The following ROBO2 variants were observed in gnomAD, a reference collection of about 807,000 sequenced individuals.
ROBO2 encodes roundabout guidance receptor 2.
A neutral mutation model predicts 160.8 loss-of-function variants in ROBO2; 53 were observed. That is an observed-to-expected ratio of 0.33 (90% confidence interval 0.26 to 0.41). The LOEUF (loss-of-function observed/expected upper bound fraction) is 0.41, where lower values mean the gene tolerates loss of function less well. ROBO2 is among the 10% of genes least tolerant of loss of function. The pLI, the probability that ROBO2 is intolerant of heterozygous loss-of-function variation, is 1.00. For missense variants in ROBO2, 1,577 were observed against 1,722.4 expected, an observed-to-expected ratio of 0.92 and a Z score of 1.49; for synonymous variants, 664 against 611.7, an observed-to-expected ratio of 1.09 and a Z score of -1.26.
At chr3:77,420,361 C>T (rs1028086752) in intron 2 of ROBO2, among the ~76,000 whole-genome samples, 9 of 151,060 alleles carry the variant, frequency 6.0e-5, no homozygotes, top group African/African-American at 2.2e-4. Flanking sequence ...TATATATGGT[C>T]GTGTATCATA....
At chr3:76,230,703 C>CCTTCCT (rs11282176) in intron 2 of ROBO2, among the ~76,000 whole-genome samples, 2 of 151,782 alleles carry the variant, frequency 1.3e-5, no homozygotes, top group Non-Finnish European at 2.9e-5. Flanking sequence ...CCAACCCTCT[C>CCTTCCT]CTTCTCACAC....
At chr3:76,298,625 C>T (rs1411639365) in intron 2 of ROBO2, among the ~76,000 whole-genome samples, 2 of 152,134 alleles carry the variant, frequency 1.3e-5, no homozygotes, top group Admixed American at 1.3e-4. Context: ...CTTCTAGACA[C>T]TTTAAATCTG....
At chr3:76,825,080 T>A (rs1281022904) in intron 2 of ROBO2, among the ~76,000 whole-genome samples, 1 of 152,188 alleles carries the variant, frequency 6.6e-6, no homozygotes, top group African/African-American at 2.4e-5. Flanking sequence ...ATGGCAGTCA[T>A]GCCCTAGGAG....
chr3:77,077,371 G>A (rs543015994), intron 1 of ROBO2, among the ~76,000 whole-genome samples: 30 of 152,254 alleles, frequency 2.0e-4, no homozygotes, highest in African/African-American at 7.2e-4. Context: ...ACATATACCA[G>A]GGTACTGTGC....
chr3:77,043,948 A>T (rs1032393027), intron 1 of ROBO2, among the ~76,000 whole-genome samples: 1 of 152,162 alleles, frequency 6.6e-6, no homozygotes, highest in Admixed American at 6.5e-5. Context: ...AGGTTTATAC[A>T]TGTTGCTAAA....
chr3:76,724,740 A>G (rs946239514), intron 2 of ROBO2, among the ~76,000 whole-genome samples: 1 of 152,182 alleles, frequency 6.6e-6, no homozygotes, highest in African/African-American at 2.4e-5. Flanking sequence ...TCTGCAACCT[A>G]TAAATGTTAC....
intron 2 of ROBO2, among the ~76,000 whole-genome samples, chr3:77,286,470 G>A (rs2153379970): frequency 6.6e-6 from 1 of 152,076 alleles, no homozygotes; most frequent in East Asian, 1.9e-4. Flanking sequence ...TGGCCAGGCT[G>A]GTCTCGAATT....
intron 21 of ROBO2, among the ~76,000 whole-genome samples, chr3:77,610,240 A>T (rs932793968): frequency 6.6e-6 from 1 of 152,128 alleles, no homozygotes; most frequent in African/African-American, 2.4e-5. Flanking sequence ...TCTTCTAGAA[A>T]ATTTTTCTAT....
chr3:76,157,183 G>C (rs1321093742), intron 2 of ROBO2, among the ~76,000 whole-genome samples: 1 of 152,140 alleles, frequency 6.6e-6, no homozygotes, highest in Non-Finnish European at 1.5e-5. Context: ...AGTAAGGTAT[G>C]CATCCATTGA....
At chr3:75,995,580 G>A (rs2065703523) in intron 2 of ROBO2, among the ~76,000 whole-genome samples, 1 of 152,136 alleles carries the variant, frequency 6.6e-6, no homozygotes, top group Non-Finnish European at 1.5e-5. Context: ...GGAAACATGG[G>A]GTTGGAGCTC....
At chr3:76,697,804 A>G (rs541957629) in intron 2 of ROBO2, among the ~76,000 whole-genome samples, 1 of 152,156 alleles carries the variant, frequency 6.6e-6, no homozygotes, top group Non-Finnish European at 1.5e-5. Flanking sequence ...TGAAATAACC[A>G]TCACAATAGA....
chr3:76,050,390 G>A (rs1396862810), intron 2 of ROBO2, among the ~76,000 whole-genome samples: 1 of 152,104 alleles, frequency 6.6e-6, no homozygotes, highest in East Asian at 1.9e-4. Flanking sequence ...GACACTGCTG[G>A]CTTCCCTACT....
intron 2 of ROBO2, among the ~76,000 whole-genome samples, chr3:76,956,076 C>A (rs2079234785): frequency 6.6e-6 from 1 of 152,002 alleles, no homozygotes; most frequent in Admixed American, 6.6e-5. Context: ...TACTTTACGC[C>A]CTCCAGACTT....
intron 2 of ROBO2, among the ~76,000 whole-genome samples, chr3:77,449,673 A>G (rs1046318495): frequency 6.6e-6 from 1 of 152,144 alleles, no homozygotes; most frequent in African/African-American, 2.4e-5. Flanking sequence ...GATATGCTAC[A>G]TTTTGAATGC....
intron 2 of ROBO2, among the ~76,000 whole-genome samples, chr3:76,990,850 A>T (rs2060626274): frequency 6.6e-6 from 1 of 152,276 alleles, no homozygotes; most frequent in East Asian, 1.9e-4. Flanking sequence ...TTCGGCTGGT[A>T]AGGGAAGAAT....
rs1325507347 is a variant in ROBO2, at chr3:77,433,486, G to GTACATATATA, written c.389-43926_389-43925insCATATATATA. 1.4e-3 allele frequency among the ~76,000 whole-genome samples: 136 copies of GTACATATATA among 99,400 alleles called. 9 individuals carry two copies. The highest frequency in any genetic ancestry group is 6.1e-3 in the Middle Eastern group (1 of 164). The allele number at this position is 99,400 out of a possible 152,430, so 65.2% of individuals were successfully genotyped here. A position where few individuals can be genotyped will look rare whatever the true frequency, so the allele number is the denominator to read the frequency against. Reference sequence around the variant, plus strand: ...GATTTTCCTTCTTCTCTGGCAACTTGTATATATATATATATATATATATAT... The same window carrying GTACATATATA: ...GATTTTCCTTCTTCTCTGGCAACTTGTACATATATATATATATATATATATATATATATAT... On this transcript the variant is annotated intron_variant, in intron 2 of 25. Coordinates refer to ENST00000461745, the Ensembl canonical transcript of ROBO2.
At chr3:76,396,758 A>G (rs907474267) in intron 2 of ROBO2, among the ~76,000 whole-genome samples, 2 of 152,170 alleles carry the variant, frequency 1.3e-5, no homozygotes, top group African/African-American at 4.8e-5. Context: ...TAGGAATCCA[A>G]CTTACGAGGG....
At chr3:75,970,072 A>C (rs1057442238) in intron 2 of ROBO2, among the ~76,000 whole-genome samples, 34 of 151,398 alleles carry the variant, frequency 2.2e-4, no homozygotes, top group African/African-American at 4.6e-4. Context: ...ACAGTCTAAG[A>C]TAAGGGTCCA....
chr3:76,728,523 G>A lies in ROBO2; in HGVS notation c.110-369491G>A, dbSNP rs75106312. On this transcript the variant is annotated intron_variant, in intron 2 of 26. Transcript: ENST00000487694. ...AGTAAATCATTAAATCGCTATCTTC[G>A]TGTGTGAAAGCATGTCTATTTTATT... is the stretch of plus-strand genomic sequence containing the variant. 4.3e-3 allele frequency among the ~76,000 whole-genome samples: 661 copies of A among 152,130 alleles called. 3 individuals are homozygous for A. The highest frequency in any genetic ancestry group is 6.6e-3 in the Non-Finnish European group (450 of 67,996).
Sources: gnomAD v4.1 joint callset for allele counts (sites outside exome capture counted in the v4.1 genomes callset) on GRCh38, gnomAD v4.1.1 for gene constraint, MANE v1.5 for transcripts, NCBI Gene and HGNC (gene_info 2026-07-23, HGNC 2026-07-21) for gene names.